ADCY2: variants seen among roughly 807,000 people sequenced by gnomAD.
The protein encoded by ADCY2 is adenylate cyclase type 2.
A neutral mutation model predicts 125.2 loss-of-function variants in ADCY2; 31 were observed. The ratio of observed to expected loss-of-function variants is 0.25; its 90% CI spans 0.19 to 0.33. The LOEUF is 0.33. ADCY2 is among the 10% of genes least tolerant of loss of function. ADCY2 has a pLI of 1.00. For synonymous variants in ADCY2, 512 were observed against 548.4 expected, an observed-to-expected ratio of 0.93 and a Z score of 0.93; for missense variants, 904 against 1,418.2, an observed-to-expected ratio of 0.64 and a Z score of 5.82.
Position 7,700,103 on chromosome 5 carries a change from G to T in ADCY2, c.1109+1729G>T, listed in dbSNP as rs560512947. On this transcript the variant is annotated intron_variant, in intron 7 of 24. Coordinates refer to ENST00000338316, the MANE Select transcript of ADCY2 (RefSeq NM_020546.3). ...AGGGAAGAGGTAGTTATTACAACCA[G>T]ACTGCAGTTAATATAAAAACCAATA... Among the ~76,000 whole-genome samples the T allele has an allele frequency of 2.6e-5, 4 of 152,300 alleles. No homozygotes were observed. In the South Asian group the frequency reaches 8.3e-4, roughly 32 times the overall value.
chr5:7,717,873 G>C (rs1202947064), intron 12 of ADCY2, among the ~76,000 whole-genome samples: 1 of 152,186 alleles, frequency 6.6e-6, no homozygotes, highest in African/African-American at 2.4e-5. Flanking sequence ...AACCCATGCA[G>C]AGCAGAAGGC....
intron 2 of ADCY2, among the ~76,000 whole-genome samples, chr5:7,446,771 C>T (rs1301408923): frequency 6.6e-6 from 1 of 152,108 alleles, no homozygotes; most frequent in Non-Finnish European, 1.5e-5. Flanking sequence ...CATAGTCTTG[C>T]CATGCGGTCT....
intron 16 of ADCY2, among the ~76,000 whole-genome samples, chr5:7,762,991 TG>T (rs1193589781): frequency 2.0e-4 from 1 of 4,952 alleles, no homozygotes; most frequent in African/African-American, 3.3e-4. Context: ...ATAGCACCTA[TG>T]ATTTTTTTTA....
intron 2 of ADCY2, among the ~76,000 whole-genome samples, chr5:7,501,716 G>A (rs1743600854): frequency 6.9e-6 from 1 of 145,982 alleles, no homozygotes; most frequent in African/African-American, 2.5e-5. Context: ...GGAAGTGAGT[G>A]GGGACTTTTG....
chr5:7,459,251 C>G (rs1264365685), intron 2 of ADCY2, among the ~76,000 whole-genome samples: 1 of 152,182 alleles, frequency 6.6e-6, no homozygotes, highest in African/African-American at 2.4e-5. Context: ...AGTCACATGG[C>G]CCAGGCAGAC....
chr5:7,693,316 G>C (rs1740769255), intron 5 of ADCY2, among the ~76,000 whole-genome samples: 1 of 151,832 alleles, frequency 6.6e-6, no homozygotes, highest in Non-Finnish European at 1.5e-5. Flanking sequence ...CTCTAGGTGG[G>C]GTTTTCTCCC....
chr5:7,502,152 A>G (rs1214264814), intron 2 of ADCY2, among the ~76,000 whole-genome samples: 2 of 152,198 alleles, frequency 1.3e-5, no homozygotes, highest in Non-Finnish European at 2.9e-5. Flanking sequence ...AAAGACAGCA[A>G]CAATGGTGAG....
In ADCY2 at chr5:7,695,783, C is replaced by T. The variant is rs1379866152; in HGVS notation, c.901C>T (p.Arg301Trp). The T allele has an allele frequency of 3.1e-6, 5 of 1,612,480 alleles. No homozygotes were observed. The highest frequency in any genetic ancestry group is 3.4e-6 in the Non-Finnish European group (4 of 1,179,244). Residue 301 changes from arginine to tryptophan, a missense_variant, in exon 6 of 25, where the codon CGG becomes TGG. This residue lies in a region of ADCY2 where 117 missense variants were observed against 248.0 expected (regional missense o/e 0.47). Transcript: ENST00000338316. ...ILYADIVGFT[R>W]LASDCSPGEL... ...ATACGCTGACATCGTTGGCTTTACCCGGCTGGCAAGTGACTGCTCCCCGGG... is the reference window on the plus strand; with the variant it reads ...ATACGCTGACATCGTTGGCTTTACCTGGCTGGCAAGTGACTGCTCCCCGGG...
intron 3 of ADCY2, among the ~76,000 whole-genome samples, chr5:7,609,535 A>G (rs1392618583): frequency 6.6e-6 from 1 of 152,204 alleles, no homozygotes; most frequent in Admixed American, 6.5e-5. Flanking sequence ...TTATTTATCC[A>G]TTTAATAAAT....
chr5:7,487,348 A>G (rs898820229), intron 2 of ADCY2, among the ~76,000 whole-genome samples: 3 of 152,066 alleles, frequency 2.0e-5, no homozygotes, highest in Non-Finnish European at 4.4e-5. Context: ...ACACCCAAAC[A>G]TGAAGGTCCA....
intron 15 of ADCY2, among the ~76,000 whole-genome samples, chr5:7,750,639 G>T (rs1176806943): frequency 1.3e-5 from 2 of 151,778 alleles, no homozygotes; most frequent in Non-Finnish European, 2.9e-5. Flanking sequence ...TCCCCATTGT[G>T]ATTATTTATA....
intron 3 of ADCY2, among the ~76,000 whole-genome samples, chr5:7,571,182 T>C (rs1018337124): frequency 5.3e-5 from 8 of 152,106 alleles, no homozygotes; most frequent in Non-Finnish European, 1.5e-5. Context: ...AGATTTATTA[T>C]AAGAATTGGC....
chr5:7,695,730 C>G, intron 5 of ADCY2, 22 bp from the exon 6 acceptor site: 1 of 1,497,282 alleles, frequency 6.7e-7, no homozygotes, highest in Non-Finnish European at 9.2e-7. Context: ...ACTCTGTCTC[C>G]TCACCTCCTT....
intron 15 of ADCY2, 117 bp downstream of exon 15, chr5:7,743,869 G>A (rs79349398): frequency 2.2e-6 from 2 of 927,148 alleles, no homozygotes; most frequent in East Asian, 2.5e-5. Context: ...AAGAACTCCA[G>A]ATCCCAGTTA....
intron 3 of ADCY2, among the ~76,000 whole-genome samples, chr5:7,616,895 G>A (rs959046614): frequency 6.6e-6 from 1 of 152,144 alleles, no homozygotes; most frequent in African/African-American, 2.4e-5. Context: ...TCTATAAGAA[G>A]AGGAGATTAG....
Position 7,396,613 on chromosome 5 carries a change from C to CCCCTCGGCCCGCGGCAGA in ADCY2, c.210+124_210+125insACCCTCGGCCCGCGGCAG, listed in dbSNP as rs1739054048. ...CGGGCTGCCCCTCGGCCCGCGGCAG[C>CCCCTCGGCCCGCGGCAGA]CCCTCGGCCCGCGGCAGCCCCTCGG... On this transcript the variant is annotated intron_variant, in intron 1 of 24. Coordinates refer to ENST00000338316, the MANE Select transcript of ADCY2 (RefSeq NM_020546.3). The surrounding 1 kb of genome is among the most constrained non-coding windows in gnomAD (Gnocchi z 5.7). 2 of 810,822 alleles carry CCCCTCGGCCCGCGGCAGA rather than the reference C, an allele frequency of 2.5e-6. No individual in the cohort carries two copies. Among genetic ancestry groups the CCCCTCGGCCCGCGGCAGA allele is most frequent in the African/African-American group, 3.6e-5 (2 of 54,904 alleles). The allele number at this position is 810,822 out of a possible 1,614,324, so 50.2% of individuals were successfully genotyped here. A position where few individuals can be genotyped will look rare whatever the true frequency, so the allele number is the denominator to read the frequency against.
intron 15 of ADCY2, chr5:7,749,591 C>T (rs933349553): frequency 1.3e-5 from 2 of 152,178 alleles, no homozygotes; most frequent in African/African-American, 4.8e-5. Flanking sequence ...GGCAGACTTA[C>T]CTTTCTATGA....
intron 2 of ADCY2, among the ~76,000 whole-genome samples, chr5:7,430,627 G>A (rs1286999446): frequency 6.7e-6 from 1 of 149,118 alleles, no homozygotes; most frequent in East Asian, 1.9e-4. Flanking sequence ...AGAATGCAGA[G>A]TTGGTTTAAT....
intron 5 of ADCY2, among the ~76,000 whole-genome samples, chr5:7,693,715 G>A (rs922109686): frequency 1.3e-4 from 20 of 152,222 alleles, no homozygotes; most frequent in African/African-American, 3.9e-4. Context: ...GAGCCACCAC[G>A]CCCGGCCATC....
Sources: gnomAD v4.1 joint callset for allele counts (sites outside exome capture counted in the v4.1 genomes callset) on GRCh38, gnomAD v4.1.1 for gene constraint, gnomAD v4.1.1 regional missense constraint, Gnocchi (gnomAD v3.1) non-coding constraint, MANE v1.5 for transcripts, NCBI Gene and HGNC (gene_info 2026-07-23, HGNC 2026-07-21) for gene names.